Variants in PTAR1 observed in about 807,000 individuals in gnomAD.
The protein encoded by PTAR1 is protein prenyltransferase alpha subunit repeat-containing protein 1.
PTAR1 carries 17 observed loss-of-function variants against 45.5 expected under a neutral mutation model. The observed-to-expected ratio is 0.37, with a 90% CI of 0.26 to 0.56. The LOEUF is 0.56. Ranked by LOEUF, PTAR1 falls within the 20% of genes least tolerant of loss-of-function variation. The pLI, the probability that PTAR1 is intolerant of heterozygous loss-of-function variation, is 0.77. For synonymous variants in PTAR1, 169 were observed against 171.3 expected, an observed-to-expected ratio of 0.99 and a Z score of 0.11; for missense variants, 391 against 476.3, an observed-to-expected ratio of 0.82 and a Z score of 1.67.
chr9:69,759,594 G>A (rs1826984616), intron 1 of PTAR1, among the ~76,000 whole-genome samples: 1 of 152,198 alleles, frequency 6.6e-6, no homozygotes. Flanking sequence ...TGAAAAGGTG[G>A]GGAGGGACAG....
At chr9:69,731,626 C>G (rs1415104452) in intron 5 of PTAR1, among the ~76,000 whole-genome samples, 3 of 152,172 alleles carry the variant, frequency 2.0e-5, no homozygotes, top group Non-Finnish European at 4.4e-5. Context: ...TAGATCCACC[C>G]TCATTCTGCT....
intron 1 of PTAR1, among the ~76,000 whole-genome samples, chr9:69,759,583 ATGAAAAGG>A (rs1826984078): frequency 6.6e-6 from 1 of 152,170 alleles, no homozygotes; most frequent in Non-Finnish European, 1.5e-5. Context: ...GTGAACTCCT[ATGAAAAGG>A]TGGGGAGGGA....
intron 1 of PTAR1, among the ~76,000 whole-genome samples, chr9:69,752,810 A>T (rs1826590218): frequency 6.6e-6 from 1 of 152,064 alleles, no homozygotes; most frequent in African/African-American, 2.4e-5. Context: ...ATTTCAAAAT[A>T]TATTTTGTGC....
chr9:69,748,118 G>A (rs1826355527), intron 2 of PTAR1, among the ~76,000 whole-genome samples: 1 of 152,152 alleles, frequency 6.6e-6, no homozygotes, highest in Non-Finnish European at 1.5e-5. Context: ...CATTTGTCTG[G>A]ATGAGAAATA....
At chr9:69,727,823 T>G (rs1489187204) in intron 5 of PTAR1, among the ~76,000 whole-genome samples, 2 of 81,170 alleles carry the variant, frequency 2.5e-5, no homozygotes, top group Non-Finnish European at 7.1e-5. Flanking sequence ...CTTTATTCTC[T>G]CTAATGTACT....
intron 5 of PTAR1, among the ~76,000 whole-genome samples, chr9:69,726,790 C>T (rs1825301286): frequency 6.6e-6 from 1 of 151,736 alleles, no homozygotes. Flanking sequence ...ATCTAATTTA[C>T]TATTTGTGAT....
At chr9:69,721,967 G>C (rs972171406) in intron 6 of PTAR1, among the ~76,000 whole-genome samples, 1 of 152,148 alleles carries the variant, frequency 6.6e-6, no homozygotes, top group Non-Finnish European at 1.5e-5. Context: ...CTGAACCTGT[G>C]ATATCTCTGA....
intron 5 of PTAR1, among the ~76,000 whole-genome samples, chr9:69,728,032 T>C (rs972699537): frequency 6.6e-5 from 10 of 152,308 alleles, no homozygotes; most frequent in African/African-American, 2.2e-4. Flanking sequence ...GAACATGTTA[T>C]ATAAATGAAA....
intron 2 of PTAR1, among the ~76,000 whole-genome samples, chr9:69,744,826 C>T (rs572314880): frequency 6.6e-6 from 1 of 152,202 alleles, no homozygotes; most frequent in Non-Finnish European, 1.5e-5. Context: ...TAAGCATCTA[C>T]AATAAGCCAG....
At position 69,741,804 on chromosome 9, in the gene PTAR1, G is replaced by C. The variant is rs764266539; in HGVS notation, c.311C>G (p.Ala104Gly). ...GAAAATGACATACCTCACGTTCCAT[G>C]CAGTGGTAAAGTCTGGGTTTAGAAG... The part of the protein sequence containing the change: ...LLLLNPDFTT[A>G]WNVRKELILS... Residue 104 changes from alanine to glycine, a missense_variant, in exon 3 of 8, where the codon GCA becomes GGA. By Grantham distance (60) the Ala-to-Gly change is moderately conservative (BLOSUM62 0). Transcript: ENST00000340434. 1 of 1,596,486 alleles carries C rather than the reference G, an allele frequency of 6.3e-7. No homozygotes were observed. The highest frequency in any genetic ancestry group is 8.6e-7 in the Non-Finnish European group (1 of 1,168,564).
chr9:69,744,621 G>A (rs966150623), intron 2 of PTAR1, among the ~76,000 whole-genome samples: 1 of 152,046 alleles, frequency 6.6e-6, no homozygotes, highest in Non-Finnish European at 1.5e-5. Flanking sequence ...CCCGAGCTCA[G>A]GTGATCCACC....
At chr9:69,728,992 G>A (rs1425908386) in intron 5 of PTAR1, among the ~76,000 whole-genome samples, 1 of 152,128 alleles carries the variant, frequency 6.6e-6, no homozygotes, top group Admixed American at 6.6e-5. Flanking sequence ...TAAAGTATTT[G>A]CTGTCTCATT....
chr9:69,728,014 C>A (rs1411411), intron 5 of PTAR1, among the ~76,000 whole-genome samples: 42,960 of 152,046 alleles, frequency 0.28, 7,477 homozygotes, highest in South Asian at 0.38. Flanking sequence ...ACCTGCTTTG[C>A]CTATTCTGAA....
rs1234214025 is a variant in PTAR1, at chr9:69,718,398, C to T, written c.1153G>A (p.Glu385Lys). The T allele has an allele frequency of 2.5e-6, 4 of 1,613,300 alleles. No individual in the cohort carries two copies. Among genetic ancestry groups the T allele is most frequent in the Non-Finnish European group, 3.4e-6 (4 of 1,179,474 alleles). ...DQVLSTCRNV[E>K]QARFASAYRK... Reference sequence around the variant, plus strand: ...TATGCACTGGCAAACCTGGCTTGCTCCACGTTCCGACAGGTGGACAATACT... The same window carrying T: ...TATGCACTGGCAAACCTGGCTTGCTTCACGTTCCGACAGGTGGACAATACT... Residue 385 changes from glutamate to lysine, a missense_variant, in exon 8 of 8, where the codon GAG becomes AAG. Physicochemically the swap from Glu to Lys is moderately conservative, Grantham distance 56 (BLOSUM62 1). Coordinates refer to ENST00000340434, the MANE Select transcript of PTAR1 (RefSeq NM_001099666.2).
At chr9:69,743,675 T>C (rs1826137530) in intron 2 of PTAR1, among the ~76,000 whole-genome samples, 1 of 152,164 alleles carries the variant, frequency 6.6e-6, no homozygotes, top group African/African-American at 2.4e-5. Flanking sequence ...TTAATGTTTA[T>C]CAAGAAAAAT....
In PTAR1 at chr9:69,723,535, A is replaced by G; in HGVS notation, c.738T>C (p.Ser246=). The change falls in exon 6 of 8, where the codon TCT becomes TCC. Residue 246 remains serine (S), a synonymous_variant. Coordinates refer to ENST00000340434, the MANE Select transcript of PTAR1 (RefSeq NM_001099666.2). ...GFHYRQFLLK[S]LISQTVIDSS... ...TGTCTATCACAGTTTGGCTAATCAAAGACTTAAGCAAAAACTGGCGGTAGT... is the reference window on the plus strand; with the variant it reads ...TGTCTATCACAGTTTGGCTAATCAAGGACTTAAGCAAAAACTGGCGGTAGT... The G allele has an allele frequency of 6.2e-7, 1 of 1,613,942 alleles. No homozygotes were observed. Among genetic ancestry groups the G allele is most frequent in the Non-Finnish European group, 8.5e-7 (1 of 1,179,830 alleles).
chr9:69,749,179 G>A lies in PTAR1; in HGVS notation c.256+1602C>T, dbSNP rs921410476. Among the ~76,000 whole-genome samples the A allele has an allele frequency of 4.6e-5, 7 of 152,128 alleles. No homozygotes were observed. The East Asian group carries it at 7.7e-4, about 17-fold the overall frequency. ...AGGACAAAAACAGAGAAATGGAGAG[G>A]ACTTGGAAGACCACAGAAAGGGTAG... On this transcript the variant is annotated intron_variant, in intron 2 of 7. Transcript: ENST00000340434.
intron 2 of PTAR1, among the ~76,000 whole-genome samples, chr9:69,750,435 C>T (rs1826474090): frequency 6.6e-6 from 1 of 151,904 alleles, no homozygotes; most frequent in Admixed American, 6.6e-5. Context: ...GAGACTGAGC[C>T]TATAGGGACT....
rs1588484132 is a variant in PTAR1 at position 69,750,717 on chromosome 9, C to T, written c.256+64G>A. The T allele has an allele frequency of 5.1e-6, 6 of 1,173,188 alleles. No homozygotes were observed. The East Asian group carries it at 1.3e-4, about 25-fold the overall frequency. 72.7% of individuals were successfully genotyped at this position (1,173,188 alleles called of 1,614,324 possible). A position where few individuals can be genotyped will look rare whatever the true frequency, so the allele number is the denominator to read the frequency against. ...AGGAATGCTGACACTCAGAGAAGGGCTCTTCCTACTATATTCCATGTCGCT... is the reference window on the plus strand; with the variant it reads ...AGGAATGCTGACACTCAGAGAAGGGTTCTTCCTACTATATTCCATGTCGCT... On this transcript the variant is annotated intron_variant, in intron 2 of 7. Coordinates refer to ENST00000340434, the MANE Select transcript of PTAR1 (RefSeq NM_001099666.2).
Sources: allele counts gnomAD v4.1 joint callset (sites outside exome capture counted in the v4.1 genomes callset), GRCh38; gene constraint gnomAD v4.1.1; transcripts MANE v1.5; gene names NCBI Gene and HGNC (gene_info 2026-07-23, HGNC 2026-07-21).